ATP2A3: variants seen among roughly 807,000 people sequenced by gnomAD.
ATP2A3 encodes sarcoplasmic/endoplasmic reticulum calcium ATPase 3.
A neutral mutation model predicts 106.8 loss-of-function variants in ATP2A3; 61 were observed. That is an observed-to-expected ratio of 0.57 (90% CI 0.46 to 0.71). The LOEUF (loss-of-function observed/expected upper bound fraction) is 0.71. Among genes scored for constraint, ATP2A3 ranks in the 30% least tolerant of loss-of-function variants. ATP2A3 has a pLI of 0.00. For missense variants in ATP2A3, 1,201 were observed against 1,423.5 expected, an observed-to-expected ratio of 0.84 and a Z score of 2.52; for synonymous variants, 611 against 609.3, an observed-to-expected ratio of 1.00 and a Z score of -0.04.
At chr17:3,940,786 G>A (rs1375370022) in intron 14 of ATP2A3, among the ~76,000 whole-genome samples, 185 bp downstream of exon 14, 1 of 152,334 alleles carries the variant, frequency 6.6e-6, no homozygotes. Context: ...GAGATGACAG[G>A]TGTGAGCCAC....
At chr17:3,937,186 C>T (rs543315807) in intron 15 of ATP2A3, 5 of 580,556 alleles carry the variant, frequency 8.6e-6, no homozygotes, top group Non-Finnish European at 1.2e-5. Context: ...ACTCTTCAGG[C>T]ACCTCCGTGG....
chr17:3,936,145 A>G lies in ATP2A3; in HGVS notation c.2524+122T>C. On this transcript the variant is annotated intron_variant, in intron 16 of 20. Transcript: ENST00000397041. The surrounding 1 kb of genome is among the most constrained non-coding windows in gnomAD (Gnocchi z 5.4). The stretch of plus-strand genomic sequence containing the variant: ...CGCCATGCCTGGTCTTTTCCATTAC[A>G]TGAGCTCATACAGTTTCTACTGGCA... 7.8e-7 allele frequency: 1 copy of G among 1,287,984 alleles called. No individual in the cohort carries two copies. The allele number at this position is 1,287,984 out of a possible 1,614,324, so 79.8% of individuals were successfully genotyped here.
chr17:3,945,135 G>A lies in ATP2A3; in HGVS notation c.1109C>T (p.Ala370Val). Residue 370 changes from alanine to valine, a missense_variant, in exon 9 of 21, where the codon GCC becomes GTC. This residue lies in a region of ATP2A3 where 935 missense variants were observed against 1,176.7 expected (regional missense o/e 0.79). Transcript: ENST00000397041. ...AAGGCAGGAGCCCGCATCGGCCTCG[G>A]CTACCACGAACATCTGGGGAGCGCA... ...QMSVCRMFVV[A>V]EADAGSCLLH... 2.6e-6 allele frequency: 4 copies of A among 1,547,898 alleles called. No individual in the cohort carries two copies. Among genetic ancestry groups the A allele is most frequent in the Non-Finnish European group, 1.7e-6 (2 of 1,145,830 alleles).
In ATP2A3 at chr17:3,928,479, C is replaced by A. The variant is rs2052843045; in HGVS notation, c.2980+184G>T. ...GCCCAGGTCCCCTGCAGTGCAAGAC[C>A]CTGCGGACACCTTGGGACCCAGCCA... is the stretch of plus-strand genomic sequence containing the variant. On this transcript the variant is annotated intron_variant, in intron 20 of 20. Coordinates refer to ENST00000397041, the MANE Select transcript of ATP2A3 (RefSeq NM_005173.4). This position sits in a 1 kb window ranked among gnomAD's most constrained non-coding sequence, Gnocchi z 6.1. 5 of 951,510 alleles carry A rather than the reference C, an allele frequency of 5.3e-6. No homozygotes were observed. In the South Asian group the frequency reaches 5.6e-5, roughly 11 times the overall value. 58.9% of individuals were successfully genotyped at this position (951,510 alleles called of 1,614,324 possible). A position where few individuals can be genotyped will look rare whatever the true frequency, so the allele number is the denominator to read the frequency against.
intron 7 of ATP2A3, among the ~76,000 whole-genome samples, chr17:3,950,131 C>T (rs1352594099): frequency 6.6e-6 from 1 of 151,196 alleles, no homozygotes; most frequent in East Asian, 1.9e-4. Flanking sequence ...CACTGCACTC[C>T]AGCATGGGCA....
At position 3,951,661 on chromosome 17, in the gene ATP2A3, C is replaced by G; in HGVS notation, c.244G>C (p.Glu82Gln). 6.2e-7 allele frequency: 1 copy of G among 1,610,688 alleles called. No homozygotes were observed. The highest frequency in any genetic ancestry group is 8.5e-7 in the Non-Finnish European group (1 of 1,179,006). Residue 82 changes from glutamate to glutamine, a missense_variant, in exon 4 of 21, where the codon GAG becomes CAG. By Grantham distance (29) the Glu-to-Gln change is conservative. Around this residue, in one of 2 missense-constraint regions of ATP2A3, gnomAD observed 266 missense variants for 246.8 expected, o/e 1.08. Transcript: ENST00000397041. The stretch of plus-strand genomic sequence containing the variant: ...TCCACGAAGGCGGTCGTGGTCTCCT[C>G]GCCCTCCTCGAACCAGGCCAGGACC... ...SFVLAWFEEG[E>Q]ETTTAFVEPL...
rs1157194163 is a variant in ATP2A3 at position 3,935,007 on chromosome 17, C to G, written c.2610+185G>C. ...GGGAGGCGCCTTTGGCTTGGGGGTC[C>G]GTGCTGGTGTCTCTGGGTTTCCCGT... On this transcript the variant is annotated intron_variant, in intron 17 of 20. Transcript: ENST00000397041. 12 of 650,202 alleles carry G rather than the reference C, an allele frequency of 1.8e-5. No homozygotes were observed. In the South Asian group the frequency reaches 1.9e-4, roughly 10 times the overall value. The allele number at this position is 650,202 out of a possible 1,614,324, so 40.3% of individuals were successfully genotyped here.
At chr17:3,937,253 T>C (rs2053501346) in intron 15 of ATP2A3, among the ~76,000 whole-genome samples, 163 bp downstream of exon 15, 1 of 151,776 alleles carries the variant, frequency 6.6e-6, no homozygotes, top group East Asian at 1.9e-4. Context: ...TGACAAGAGG[T>C]GCTCTCCCCT....
rs1176507857 is a variant in ATP2A3 at position 3,924,590 on chromosome 17, G to A, written c.*832C>T. ...GGTCTCAGGTACCAGGGACGCGGGT[G>A]GCAAGTTGGACCTCTGCGTGGCAGA... On this transcript the variant is annotated 3_prime_UTR_variant, in exon 21 of 21. Transcript: ENST00000397041. The surrounding 1 kb of genome is among the most constrained non-coding windows in gnomAD (Gnocchi z 6.4). 2.8e-6 allele frequency: 1 copy of A among 351,216 alleles called. No individual in the cohort carries two copies. The highest frequency in any genetic ancestry group is 2.2e-5 in the African/African-American group (1 of 46,498). The allele number at this position is 351,216 out of a possible 1,614,324, so 21.8% of individuals were successfully genotyped here.
At chr17:3,949,674 T>A (rs552512349) in intron 7 of ATP2A3, among the ~76,000 whole-genome samples, 2 of 152,204 alleles carry the variant, frequency 1.3e-5, no homozygotes, top group African/African-American at 4.8e-5. Context: ...CTGGAAAATA[T>A]AGATAACAAG....
Position 3,955,368 on chromosome 17 carries a change from T to C in ATP2A3, c.119-1658A>G, listed in dbSNP as rs2054714400. Among the ~76,000 whole-genome samples the C allele has an allele frequency of 1.3e-5, 2 of 152,222 alleles. No homozygotes were observed. Among genetic ancestry groups the C allele is most frequent in the African/African-American group, 2.4e-5 (1 of 41,458 alleles). ...CCCTGGGGAGTATCAAGCAGCCCAC[T>C]GGACTGTAGGAATCCAGGAGGGAAA... is the stretch of plus-strand genomic sequence containing the variant. On this transcript the variant is annotated intron_variant, in intron 1 of 20. Coordinates refer to ENST00000397041, the MANE Select transcript of ATP2A3 (RefSeq NM_005173.4). The surrounding 1 kb of genome is among the most constrained non-coding windows in gnomAD (Gnocchi z 4.2).
At position 3,964,154 on chromosome 17, in the gene ATP2A3, G is replaced by C; in HGVS notation, c.118+20C>G. Reference sequence around the variant, plus strand: ...GCGCGCGGCCCCCGCTCCCCGGCCCGGCCCGGCCCGCGCGCTCACCGTTGG... The same window carrying C: ...GCGCGCGGCCCCCGCTCCCCGGCCCCGCCCGGCCCGCGCGCTCACCGTTGG... On this transcript the variant is annotated intron_variant, in intron 1 of 20. Transcript: ENST00000397041. 1.9e-5 allele frequency: 21 copies of C among 1,090,262 alleles called. No homozygotes were observed. The highest frequency in any genetic ancestry group is 2.4e-5 in the Non-Finnish European group (21 of 892,020). The allele number at this position is 1,090,262 out of a possible 1,614,324, so 67.5% of individuals were successfully genotyped here. A position where few individuals can be genotyped will look rare whatever the true frequency, so the allele number is the denominator to read the frequency against.
intron 14 of ATP2A3, among the ~76,000 whole-genome samples, chr17:3,939,785 C>T (rs12952150): frequency 3.3e-5 from 1 of 29,918 alleles, no homozygotes; most frequent in Non-Finnish European, 5.3e-5. Context: ...GAGACTCTGT[C>T]TAAAAAAAAA....
chr17:3,925,365 C>T lies in ATP2A3; in HGVS notation c.*57G>A. 1 of 1,613,686 alleles carries T rather than the reference C, an allele frequency of 6.2e-7. No homozygotes were observed. The highest frequency in any genetic ancestry group is 1.7e-4 in the Middle Eastern group (1 of 6,054). ...GGCAAGGGTGGGGGGCGGAGGCGAA[C>T]ACATGGGCACCATCAGTCTGAGGTA... On this transcript the variant is annotated 3_prime_UTR_variant, in exon 21 of 21. Transcript: ENST00000397041. This position sits in a 1 kb window ranked among gnomAD's most constrained non-coding sequence, Gnocchi z 4.2.
In ATP2A3 at chr17:3,951,247, A is replaced by T. The variant is rs373194756; in HGVS notation, c.463+4T>A. ...TAAAATAAAAGGAGGAGGCCCCGGCATACCTGCCACTTCTACAATGTCCCC... is the reference window on the plus strand; with the variant it reads ...TAAAATAAAAGGAGGAGGCCCCGGCTTACCTGCCACTTCTACAATGTCCCC... On this transcript the variant is annotated splice_donor_region_variant and intron_variant, in intron 5 of 20. Transcript: ENST00000397041. 2 of 1,560,510 alleles carry T rather than the reference A, an allele frequency of 1.3e-6. No homozygotes were observed. Among genetic ancestry groups the T allele is most frequent in the Non-Finnish European group, 1.7e-6 (2 of 1,153,284 alleles).
Position 3,925,598 on chromosome 17 carries a change from G to A in ATP2A3, c.2981-157C>T, listed in dbSNP as rs532426821. 7.6e-4 allele frequency among the ~76,000 whole-genome samples: 105 copies of A among 137,870 alleles called. No homozygotes were observed. The highest frequency in any genetic ancestry group is 3.6e-3 in the Middle Eastern group (1 of 274). 90.4% of individuals were successfully genotyped at this position (137,870 alleles called of 152,430 possible). ...GACCTCAGTCTACCCCAGCCCCACCGGACCCCCCAAGCTGCATCCAGGATC... is the reference window on the plus strand; with the variant it reads ...GACCTCAGTCTACCCCAGCCCCACCAGACCCCCCAAGCTGCATCCAGGATC... On this transcript the variant is annotated intron_variant, in intron 20 of 20. Coordinates refer to ENST00000397041, the MANE Select transcript of ATP2A3 (RefSeq NM_005173.4). This position sits in a 1 kb window ranked among gnomAD's most constrained non-coding sequence, Gnocchi z 4.2.
In ATP2A3 at chr17:3,953,746, G is replaced by A. The variant is rs758436237; in HGVS notation, c.119-36C>T. 11 of 1,566,198 alleles carry A rather than the reference G, an allele frequency of 7.0e-6. No individual in the cohort carries two copies. In the African/African-American group the frequency reaches 1.2e-4, roughly 17 times the overall value. ...CAGGCAGCCACGGGAGCCATGAGGA[G>A]ACAAGAGAGGAGTGGGTCACGCAGG... On this transcript the variant is annotated intron_variant, in intron 1 of 20. Transcript: ENST00000397041. This position sits in a 1 kb window ranked among gnomAD's most constrained non-coding sequence, Gnocchi z 5.1.
At position 3,940,031 on chromosome 17, in the gene ATP2A3, C is replaced by CTTTTTTTTTTT. The variant is rs1174008086; in HGVS notation, c.2100+929_2100+939dup. ...ATGGGTTGATGGTAATGTGTCATAT[C>CTTTTTTTTTTT]TTTTTTTTTTTGTTTTTTGTTTTTT... is the stretch of plus-strand genomic sequence containing the variant. On this transcript the variant is annotated intron_variant, in intron 14 of 20. Transcript: ENST00000397041. Among the ~76,000 whole-genome samples, 79 of 96,500 alleles carry CTTTTTTTTTTT rather than the reference C, an allele frequency of 8.2e-4. 12 individuals are homozygous for CTTTTTTTTTTT. The highest frequency in any genetic ancestry group is 3.4e-3 in the African/African-American group (72 of 21,124). 63.3% of individuals were successfully genotyped at this position (96,500 alleles called of 152,430 possible). A position where few individuals can be genotyped will look rare whatever the true frequency, so the allele number is the denominator to read the frequency against.
chr17:3,947,457 G>C lies in ATP2A3; in HGVS notation c.1029C>G (p.Gly343=). 1 of 1,613,896 alleles carries C rather than the reference G, an allele frequency of 6.2e-7. No individual in the cohort carries two copies. The highest frequency in any genetic ancestry group is 8.5e-7 in the Non-Finnish European group (1 of 1,180,038). The part of the protein sequence containing the change: ...VRSLPSVETL[G]CTSVICSDKT... ...TGTCGGAGCAGATGACTGAGGTGCA[G>C]CCCAGGGTCTCCACGGACGGCAGGC... The change falls in exon 8 of 21, where the codon GGC becomes GGG. Residue 343 remains glycine (G), a synonymous_variant. Coordinates refer to ENST00000397041, the MANE Select transcript of ATP2A3 (RefSeq NM_005173.4). The surrounding 1 kb of genome is among the most constrained non-coding windows in gnomAD (Gnocchi z 7.7).
Sources: allele counts gnomAD v4.1 joint callset (sites outside exome capture counted in the v4.1 genomes callset), GRCh38; gene constraint gnomAD v4.1.1; regional missense constraint gnomAD v4.1.1; non-coding constraint Gnocchi (gnomAD v3.1); transcripts MANE v1.5; gene names NCBI Gene and HGNC (gene_info 2026-07-23, HGNC 2026-07-21).